The following TENM3 variants were observed in gnomAD, a reference collection of about 807,000 sequenced individuals.
TENM3 encodes teneurin transmembrane protein 3.
TENM3 carries 63 observed loss-of-function variants against 255.1 expected under a neutral mutation model. The ratio of observed to expected loss-of-function variants is 0.25; its 90% CI spans 0.20 to 0.30. The LOEUF (loss-of-function observed/expected upper bound fraction) is 0.30, where lower values mean the gene tolerates loss of function less well. Ranked by LOEUF, TENM3 falls within the 10% of genes least tolerant of loss-of-function variation. The pLI is 1.00. For missense variants in TENM3, 2,929 were observed against 3,461.1 expected (o/e 0.85, Z 3.86); for synonymous variants, 1,306 against 1,322.3 (o/e 0.99, Z 0.27).
intron 3 of TENM3, among the ~76,000 whole-genome samples, chr4:182,446,015 G>A (rs575038193): frequency 6.6e-5 from 10 of 152,248 alleles, no homozygotes; most frequent in South Asian, 6.2e-4. Flanking sequence ...TTTAAAAGAC[G>A]GCAGTGATTT....
the TENM3 span, among the ~76,000 whole-genome samples, chr4:182,137,702 T>G: frequency 1.3e-5 from 2 of 152,340 alleles, no homozygotes; most frequent in Admixed American, 1.3e-4. Context: ...AGAAAGAGAT[T>G]GCTTAAAACT....
At chr4:182,443,683 C>T (rs761440923) in intron 3 of TENM3, among the ~76,000 whole-genome samples, 13 of 152,128 alleles carry the variant, frequency 8.5e-5, no homozygotes, top group Non-Finnish European at 1.8e-4. Flanking sequence ...GTATACAGCA[C>T]ATTGCTTGAC....
chr4:182,474,113 C>T, intron 3 of TENM3, among the ~76,000 whole-genome samples: 1 of 152,108 alleles, frequency 6.6e-6, no homozygotes, highest in East Asian at 1.9e-4. Flanking sequence ...AGAAAAGAAG[C>T]TCTTCTGTAG....
the TENM3 span, among the ~76,000 whole-genome samples, chr4:182,093,395 C>A: frequency 6.6e-6 from 1 of 150,824 alleles, no homozygotes; most frequent in East Asian, 2.0e-4. Flanking sequence ...AATTAAATCC[C>A]CAAACCAAAA....
the TENM3 span, among the ~76,000 whole-genome samples, chr4:182,003,907 T>C: frequency 6.6e-6 from 1 of 152,170 alleles, no homozygotes; most frequent in African/African-American, 2.4e-5. Flanking sequence ...GCTAATTCAT[T>C]CATGAATGCT....
chr4:181,466,095 C>A, the TENM3 span, among the ~76,000 whole-genome samples: 2 of 149,280 alleles, frequency 1.3e-5, no homozygotes, highest in African/African-American at 4.9e-5. Context: ...GTGGAAGGAG[C>A]CTGAGTCTCC....
rs1238593569 is a variant in TENM3, at chr4:182,696,998, A to G, written c.2221+8647A>G. Among the ~76,000 whole-genome samples the G allele has an allele frequency of 3.9e-5, 6 of 152,184 alleles. No individual in the cohort carries two copies. The South Asian group carries it at 1.0e-3, about 26-fold the overall frequency. On this transcript the variant is annotated intron_variant, in intron 12 of 27. Coordinates refer to ENST00000511685, the MANE Select transcript of TENM3 (RefSeq NM_001080477.4). ...CCTGTGCCTCAGTTTACTCATCTAT[A>G]AAGTGGGAATGAAAATAGTAACTAC...
chr4:182,678,289 C>G (rs1313812792), intron 7 of TENM3, among the ~76,000 whole-genome samples: 1 of 152,088 alleles, frequency 6.6e-6, no homozygotes, highest in South Asian at 2.1e-4. Context: ...TTTTTAAACT[C>G]TCCAGTCACC....
the TENM3 span, among the ~76,000 whole-genome samples, chr4:181,589,179 C>T: frequency 6.6e-6 from 1 of 152,146 alleles, no homozygotes; most frequent in Non-Finnish European, 1.5e-5. Flanking sequence ...GAAAAGGAGA[C>T]TGGACAAAAT....
chr4:182,650,746 AATATCCT>A (rs1172403722), intron 5 of TENM3, among the ~76,000 whole-genome samples: 1 of 149,876 alleles, frequency 6.7e-6, no homozygotes, highest in African/African-American at 2.4e-5. Context: ...CAAAGTAGAT[AATATCCT>A]AAGACCAAAC....
the TENM3 span, among the ~76,000 whole-genome samples, chr4:181,663,389 G>A: frequency 6.6e-5 from 10 of 152,138 alleles, no homozygotes; most frequent in African/African-American, 2.4e-4. Context: ...CATGGATTTG[G>A]GGCCACCGTG....
the TENM3 span, among the ~76,000 whole-genome samples, chr4:182,078,296 G>A: frequency 3.9e-5 from 6 of 152,094 alleles, no homozygotes; most frequent in South Asian, 1.0e-3. Flanking sequence ...GGCTGAGGCG[G>A]CTGGATCATG....
At chr4:181,654,386 G>A in the TENM3 span, among the ~76,000 whole-genome samples, 2 of 152,128 alleles carry the variant, frequency 1.3e-5, no homozygotes, top group Non-Finnish European at 2.9e-5. Flanking sequence ...TCCAGGATGT[G>A]AAAAGGATAT....
intron 13 of TENM3, among the ~76,000 whole-genome samples, chr4:182,725,296 G>A (rs906017028): frequency 6.6e-6 from 1 of 152,138 alleles, no homozygotes; most frequent in Non-Finnish European, 1.5e-5. Context: ...AAAGTTCTGG[G>A]ATTACAGGCA....
the TENM3 span, among the ~76,000 whole-genome samples, chr4:181,919,617 T>C: frequency 2.0e-5 from 3 of 152,050 alleles, no homozygotes; most frequent in African/African-American, 7.2e-5. Context: ...ATGATGACGT[T>C]GTTTCCTTCG....
the TENM3 span, among the ~76,000 whole-genome samples, chr4:181,630,324 G>A: frequency 6.6e-6 from 1 of 150,914 alleles, no homozygotes; most frequent in Non-Finnish European, 1.5e-5. Context: ...GGGTTTTTTT[G>A]TGTCTCTATC....
chr4:181,556,481 T>C, the TENM3 span, among the ~76,000 whole-genome samples: 1 of 152,216 alleles, frequency 6.6e-6, no homozygotes, highest in Non-Finnish European at 1.5e-5. Flanking sequence ...ATTGCTATTC[T>C]AACAGTAACT....
At chr4:182,673,570 A>G (rs951946745) in intron 7 of TENM3, among the ~76,000 whole-genome samples, 1 of 152,226 alleles carries the variant, frequency 6.6e-6, no homozygotes, top group African/African-American at 2.4e-5. Context: ...CATGTAATAG[A>G]TGCATAACAT....
chr4:182,759,239 C>G (rs1251243509), intron 22 of TENM3, among the ~76,000 whole-genome samples: 1 of 152,178 alleles, frequency 6.6e-6, no homozygotes, highest in Non-Finnish European at 1.5e-5. Flanking sequence ...GCTCCCACCA[C>G]TCCTGGAATG....
Sources: gnomAD v4.1 joint callset for allele counts (sites outside exome capture counted in the v4.1 genomes callset) on GRCh38, gnomAD v4.1.1 for gene constraint, MANE v1.5 for transcripts, NCBI Gene and HGNC (gene_info 2026-07-23, HGNC 2026-07-21) for gene names.